The following LONRF2 variants were observed in gnomAD, a reference collection of about 807,000 sequenced individuals.
LONRF2 encodes LON peptidase N-terminal domain and ring finger 2, also known as LON peptidase N-terminal domain and RING finger protein 2.
Under a neutral mutation model 66.6 loss-of-function variants are expected in LONRF2, and 35 were observed. That is an observed-to-expected ratio of 0.53 (90% confidence interval 0.40 to 0.70). The LOEUF (loss-of-function observed/expected upper bound fraction) is 0.70, where lower values mean the gene tolerates loss of function less well. Ranked by LOEUF, LONRF2 falls within the 30% of genes least tolerant of loss-of-function variation. The pLI is 0.00. For missense variants in LONRF2, 902 were observed against 1,002.1 expected (o/e 0.90, Z 1.35); for synonymous variants, 417 against 418.1 (o/e 1.00, Z 0.03).
At chr2:100,291,551 C>T (rs1338931835) in intron 9 of LONRF2, among the ~76,000 whole-genome samples, 1 of 152,092 alleles carries the variant, frequency 6.6e-6, no homozygotes, top group East Asian at 1.9e-4. Context: ...CCCCTCACTC[C>T]TCCATATCCT....
Position 100,295,413 on chromosome 2 carries a change from A to G in LONRF2, c.1598+19T>C. On this transcript the variant is annotated intron_variant, in intron 8 of 11. Transcript: ENST00000393437. Reference sequence around the variant, plus strand: ...TCAATCTGAACTTAAGACCAAGGACACACAACATGAGCACTTACTTTGACA... The same window carrying G: ...TCAATCTGAACTTAAGACCAAGGACGCACAACATGAGCACTTACTTTGACA... 1 of 1,607,788 alleles carries G rather than the reference A, an allele frequency of 6.2e-7. No individual in the cohort carries two copies. Among genetic ancestry groups the G allele is most frequent in the Non-Finnish European group, 8.5e-7 (1 of 1,177,700 alleles).
intron 10 of LONRF2, 30 bp downstream of exon 10, chr2:100,290,228 T>A: frequency 6.3e-7 from 1 of 1,589,718 alleles, no homozygotes; most frequent in Non-Finnish European, 8.6e-7. Context: ...GACCGACTGC[T>A]ATAAAATACA....
At chr2:100,305,548 C>G (rs765992644) in intron 2 of LONRF2, among the ~76,000 whole-genome samples, 4 of 152,118 alleles carry the variant, frequency 2.6e-5, no homozygotes, top group Non-Finnish European at 5.9e-5. Flanking sequence ...CTGATGGTGC[C>G]CAGGTTCCAT....
At chr2:100,299,050 C>T in intron 6 of LONRF2, 100 bp from the exon 7 acceptor site, 1 of 981,588 alleles carries the variant, frequency 1.0e-6, no homozygotes, top group East Asian at 2.4e-5. Context: ...CCTTTCTGTT[C>T]TAGAAATCAC....
At chr2:100,306,086 G>A (rs567671918) in intron 2 of LONRF2, among the ~76,000 whole-genome samples, 131 of 152,010 alleles carry the variant, frequency 8.6e-4, no homozygotes, top group African/African-American at 3.1e-3. Flanking sequence ...GTGTGTGTGT[G>A]TATTTTTAGT....
At position 100,284,176 on chromosome 2, in the gene LONRF2, C is replaced by T. The variant is rs184457337; in HGVS notation, c.*122G>A. On this transcript the variant is annotated 3_prime_UTR_variant, in exon 12 of 12. Coordinates refer to ENST00000393437, the MANE Select transcript of LONRF2 (RefSeq NM_198461.4). ...TGAGGAGGACTCAATGTTTGGCAAGCGTCCCATTTTGGAACCTCATCCACA... is the reference window on the plus strand; with the variant it reads ...TGAGGAGGACTCAATGTTTGGCAAGTGTCCCATTTTGGAACCTCATCCACA... 22 of 841,846 alleles carry T rather than the reference C, an allele frequency of 2.6e-5. No individual in the cohort carries two copies. The highest frequency in any genetic ancestry group is 3.4e-5 in the Non-Finnish European group (19 of 563,534). 52.1% of individuals were successfully genotyped at this position (841,846 alleles called of 1,614,324 possible). A position where few individuals can be genotyped will look rare whatever the true frequency, so the allele number is the denominator to read the frequency against.
chr2:100,298,369 A>T (rs991375520), intron 7 of LONRF2, among the ~76,000 whole-genome samples: 1 of 152,216 alleles, frequency 6.6e-6, no homozygotes, highest in African/African-American at 2.4e-5. Flanking sequence ...TAGCTTCCCC[A>T]TGGGACCTGA....
At chr2:100,287,144 T>G in intron 10 of LONRF2, 81 bp from the exon 11 acceptor site, 1 of 1,310,364 alleles carries the variant, frequency 7.6e-7, no homozygotes, top group South Asian at 1.8e-5. Context: ...GCACCTCCAC[T>G]AAGTGGATTT....
chr2:100,307,264 C>T (rs1367158262), intron 2 of LONRF2, among the ~76,000 whole-genome samples: 1 of 152,210 alleles, frequency 6.6e-6, no homozygotes, highest in East Asian at 1.9e-4. Flanking sequence ...CTGCTCTTCA[C>T]TGGGCATCTG....
At chr2:100,316,760 ACTTT>A (rs1459288373) in intron 1 of LONRF2, among the ~76,000 whole-genome samples, 6 of 152,150 alleles carry the variant, frequency 3.9e-5, no homozygotes, top group African/African-American at 1.4e-4. Flanking sequence ...TGCAATCCTT[ACTTT>A]ATCAGTTACT....
At chr2:100,318,210 G>A (rs1675547678) in intron 1 of LONRF2, among the ~76,000 whole-genome samples, 1 of 152,130 alleles carries the variant, frequency 6.6e-6, no homozygotes, top group South Asian at 2.1e-4. Flanking sequence ...TTCTCATTCA[G>A]ATTTCTGATG....
At chr2:100,307,802 T>A (rs1376921634) in intron 2 of LONRF2, among the ~76,000 whole-genome samples, 1 of 152,180 alleles carries the variant, frequency 6.6e-6, no homozygotes, top group Non-Finnish European at 1.5e-5. Context: ...GATTTTGCCA[T>A]TTCTCATTGT....
At chr2:100,319,060 T>C (rs149744019) in intron 1 of LONRF2, among the ~76,000 whole-genome samples, 1 of 148,730 alleles carries the variant, frequency 6.7e-6, no homozygotes, top group Admixed American at 6.8e-5. Context: ...AACCAGGGAG[T>C]CGGAGGTTGT....
chr2:100,292,368 A>G (rs1011292354), intron 9 of LONRF2, among the ~76,000 whole-genome samples: 2 of 152,168 alleles, frequency 1.3e-5, no homozygotes, highest in African/African-American at 4.8e-5. Flanking sequence ...CTGCACTCTG[A>G]TGCCAGCCCA....
intron 1 of LONRF2, among the ~76,000 whole-genome samples, chr2:100,316,284 A>C (rs1274537842): frequency 2.9e-5 from 4 of 139,954 alleles, no homozygotes. Context: ...GTGCCACTGC[A>C]CTCCAGCCTG....
rs1353347839 is a variant in LONRF2, at chr2:100,321,605, G to A, written c.489C>T (p.Cys163=). The A allele has an allele frequency of 2.0e-6, 3 of 1,517,662 alleles. No homozygotes were observed. In the Admixed American group the frequency reaches 6.3e-5, roughly 32 times the overall value. The allele number at this position is 1,517,662 out of a possible 1,614,324, so 94.0% of individuals were successfully genotyped here. ...PVTLPCGLTV[C]KRCVEPGPAR... ...CGGGCCCTGGCTCCACGCAGCGCTT[G>A]CAGACTGTGAGCCCGCAGGGCAGCG... Residue 163 remains cysteine (C), a synonymous_variant, in exon 1 of 12, where the codon TGC becomes TGT. Transcript: ENST00000393437.
At chr2:100,321,391 G>A (rs1675620379) in intron 1 of LONRF2, 24 bp downstream of exon 1, 1 of 1,409,362 alleles carries the variant, frequency 7.1e-7, no homozygotes, top group Non-Finnish European at 9.2e-7. Context: ...TAGGGGAGGC[G>A]GACCCGCCCC....
intron 2 of LONRF2, among the ~76,000 whole-genome samples, chr2:100,303,764 G>C (rs192597471): frequency 9.8e-4 from 149 of 151,846 alleles, no homozygotes; most frequent in Non-Finnish European, 1.8e-3. Flanking sequence ...TTTTATCTTT[G>C]GTTTACAGCC....
At chr2:100,319,233 T>C (rs763446733) in intron 1 of LONRF2, among the ~76,000 whole-genome samples, 1 of 152,178 alleles carries the variant, frequency 6.6e-6, no homozygotes, top group African/African-American at 2.4e-5. Context: ...GGCTAATTTA[T>C]TTTGAAATTA....
Sources: gnomAD v4.1 joint callset for allele counts (sites outside exome capture counted in the v4.1 genomes callset) on GRCh38, gnomAD v4.1.1 for gene constraint, MANE v1.5 for transcripts, NCBI Gene and HGNC (gene_info 2026-07-23, HGNC 2026-07-21) for gene names.